The following LSAMP variants were observed in gnomAD, a reference collection of about 807,000 sequenced individuals.
The protein encoded by LSAMP is limbic system associated membrane protein, also known as limbic system-associated membrane protein.
A neutral mutation model predicts 38.6 loss-of-function variants in LSAMP; 7 were observed. The observed-to-expected ratio is 0.18, with a 90% CI of 0.10 to 0.34. The LOEUF is 0.34. Among genes scored for constraint, LSAMP ranks in the 10% least tolerant of loss-of-function variants. LSAMP has a pLI of 1.00. For missense variants in LSAMP, 313 were observed against 420.0 expected, an observed-to-expected ratio of 0.75 and a Z score of 2.23; for synonymous variants, 154 against 166.8, an observed-to-expected ratio of 0.92 and a Z score of 0.59.
At chr3:116,146,136 A>G (rs1315492093) in intron 1 of LSAMP, among the ~76,000 whole-genome samples, 6 of 151,838 alleles carry the variant, frequency 4.0e-5, no homozygotes, top group Non-Finnish European at 7.4e-5. Flanking sequence ...CCCTTCTTCT[A>G]GGGAGCAGGC....
At chr3:116,292,223 C>T (rs1480404023) in intron 1 of LSAMP, among the ~76,000 whole-genome samples, 2 of 152,112 alleles carry the variant, frequency 1.3e-5, no homozygotes, top group Non-Finnish European at 2.9e-5. Context: ...GGCTCCTAAT[C>T]TCCTCAATAT....
chr3:115,812,987 A>G (rs1252097142), intron 6 of LSAMP, among the ~76,000 whole-genome samples: 2 of 152,160 alleles, frequency 1.3e-5, no homozygotes, highest in Non-Finnish European at 2.9e-5. Context: ...TTGATAATAC[A>G]TGTATACATA....
chr3:116,410,240 T>A (rs1010752052), intron 1 of LSAMP, among the ~76,000 whole-genome samples: 1 of 152,002 alleles, frequency 6.6e-6, no homozygotes, highest in African/African-American at 2.4e-5. Context: ...GGGACAGAAT[T>A]TTTTTTATAA....
intron 1 of LSAMP, among the ~76,000 whole-genome samples, chr3:116,172,800 A>G (rs1031427047): frequency 2.0e-5 from 3 of 152,022 alleles, no homozygotes; most frequent in African/African-American, 7.2e-5. Flanking sequence ...GTCATGATTC[A>G]AGTTTTGCTT....
intron 6 of LSAMP, chr3:115,816,531 AACTC>A (rs1934025677): frequency 1.7e-5 from 13 of 758,856 alleles, no homozygotes; most frequent in Non-Finnish European, 2.3e-5. Flanking sequence ...ATTCCACTGA[AACTC>A]AAGTATATAA....
intron 3 of LSAMP, among the ~76,000 whole-genome samples, chr3:115,997,228 G>A (rs1316475597): frequency 6.6e-6 from 1 of 152,114 alleles, no homozygotes. Flanking sequence ...ACATATATCT[G>A]TGAGCAGTAA....
intron 1 of LSAMP, among the ~76,000 whole-genome samples, chr3:116,336,230 G>T (rs940856882): frequency 4.0e-5 from 6 of 151,886 alleles, no homozygotes; most frequent in Non-Finnish European, 8.8e-5. Context: ...GACACCAAAG[G>T]CACAGGCAAC....
chr3:116,025,205 G>A (rs1467917901), intron 2 of LSAMP, among the ~76,000 whole-genome samples: 1 of 151,978 alleles, frequency 6.6e-6, no homozygotes, highest in Admixed American at 6.6e-5. Context: ...GAATATTAGT[G>A]TGATTTATTA....
chr3:116,010,509 T>C (rs545017394), intron 3 of LSAMP, among the ~76,000 whole-genome samples: 1 of 152,324 alleles, frequency 6.6e-6, no homozygotes, highest in African/African-American at 2.4e-5. Flanking sequence ...TTAAAACAAT[T>C]ACTGAGTGTG....
intron 1 of LSAMP, among the ~76,000 whole-genome samples, chr3:116,157,681 A>G (rs1451525409): frequency 6.6e-6 from 1 of 152,138 alleles, no homozygotes; most frequent in African/African-American, 2.4e-5. Context: ...TAAACTTATC[A>G]ATAATGATTT....
chr3:116,233,461 A>G (rs2046428086), intron 1 of LSAMP, among the ~76,000 whole-genome samples: 1 of 151,058 alleles, frequency 6.6e-6, no homozygotes, highest in Admixed American at 6.6e-5. Flanking sequence ...CTTATATATA[A>G]TATTTCTTTG....
At chr3:116,303,157 G>A (rs1398131915) in intron 1 of LSAMP, among the ~76,000 whole-genome samples, 1 of 152,196 alleles carries the variant, frequency 6.6e-6, no homozygotes. Flanking sequence ...CATCAGCAAA[G>A]AGGGTAAATA....
chr3:115,844,844 G>A (rs2107509755), intron 4 of LSAMP, among the ~76,000 whole-genome samples: 1 of 152,252 alleles, frequency 6.6e-6, no homozygotes, highest in East Asian at 1.9e-4. Context: ...GGGTGTGGTG[G>A]TGTGTACCTG....
In LSAMP at chr3:116,003,352, TCTC is replaced by T. The variant is rs555034665; in HGVS notation, c.514+16160_514+16162del. Among the ~76,000 whole-genome samples, 1,437 of 152,308 alleles carry T rather than the reference TCTC, an allele frequency of 9.4e-3. 14 individuals carry two copies. Among genetic ancestry groups the T allele is most frequent in the Non-Finnish European group, 0.015 (988 of 68,022 alleles). On this transcript the variant is annotated intron_variant, in intron 3 of 6. Transcript: ENST00000490035. ...GAATTGTGTAGTATAGAAAATCTCT[TCTC>T]AGATTATTTGACAATAAAGGCAAGA...
rs530904155 is a variant in LSAMP at position 116,243,548 on chromosome 3, G to A, written c.156-156992C>T. ...CAAATACCTATTCAAAATTTTCTAA[G>A]TTCTCTAAGTCTTAACTACTCAATG... On this transcript the variant is annotated intron_variant, in intron 1 of 6. Coordinates refer to ENST00000490035, the MANE Select transcript of LSAMP (RefSeq NM_002338.5). 2.0e-5 allele frequency among the ~76,000 whole-genome samples: 3 copies of A among 152,106 alleles called. No individual in the cohort carries two copies. In the South Asian group the frequency reaches 6.2e-4, roughly 32 times the overall value.
At chr3:116,004,496 C>A in intron 3 of LSAMP, among the ~76,000 whole-genome samples, 1 of 137,000 alleles carries the variant, frequency 7.3e-6, no homozygotes, top group African/African-American at 2.8e-5. Flanking sequence ...ATACATGAAA[C>A]CAAATGTGTG....
chr3:116,044,713 A>G (rs1941251663), intron 2 of LSAMP, among the ~76,000 whole-genome samples: 1 of 152,196 alleles, frequency 6.6e-6, no homozygotes, highest in Non-Finnish European at 1.5e-5. Flanking sequence ...GGTAATTCAT[A>G]TATCACAATC....
intron 1 of LSAMP, among the ~76,000 whole-genome samples, chr3:116,239,313 A>G (rs1278228270): frequency 6.6e-6 from 1 of 152,212 alleles, no homozygotes; most frequent in African/African-American, 2.4e-5. Context: ...TAAGCTATAG[A>G]AAACTAAAGT....
At chr3:115,979,155 G>C (rs1468409529) in intron 3 of LSAMP, among the ~76,000 whole-genome samples, 1 of 151,962 alleles carries the variant, frequency 6.6e-6, no homozygotes, top group Non-Finnish European at 1.5e-5. Flanking sequence ...GGAGTGCACA[G>C]ATAGAGAGAC....
Sources: gnomAD v4.1 joint callset for allele counts (sites outside exome capture counted in the v4.1 genomes callset) on GRCh38, gnomAD v4.1.1 for gene constraint, MANE v1.5 for transcripts, NCBI Gene and HGNC (gene_info 2026-07-23, HGNC 2026-07-21) for gene names.